The following ARHGAP15 variants were observed in gnomAD, a reference collection of about 807,000 sequenced individuals.
ARHGAP15 encodes rho GTPase-activating protein 15.
ARHGAP15 carries 51 observed loss-of-function variants against 63.7 expected under a neutral mutation model. The observed-to-expected ratio is 0.80, with a 90% CI of 0.64 to 1.01. ARHGAP15 has a LOEUF of 1.01. Among genes scored for constraint, ARHGAP15 ranks in the 50% least tolerant of loss-of-function variants. The pLI is 0.00. For missense variants in ARHGAP15, 560 were observed against 564.6 expected (o/e 0.99, Z 0.08); for synonymous variants, 191 against 193.8 (o/e 0.99, Z 0.12).
intron 6 of ARHGAP15, among the ~76,000 whole-genome samples, chr2:143,326,952 A>C (rs557334419): frequency 6.6e-6 from 1 of 152,328 alleles, no homozygotes; most frequent in East Asian, 1.9e-4. Flanking sequence ...GGAAATTCAA[A>C]TAGGAAGAAA....
intron 3 of ARHGAP15, among the ~76,000 whole-genome samples, chr2:143,203,465 C>G (rs1372472275): frequency 1.3e-5 from 2 of 152,068 alleles, no homozygotes; most frequent in African/African-American, 4.8e-5. Flanking sequence ...TTCAGTAGGT[C>G]TATCTGAGCA....
chr2:143,190,342 C>T (rs1453246695), intron 2 of ARHGAP15, among the ~76,000 whole-genome samples: 2 of 152,130 alleles, frequency 1.3e-5, no homozygotes, highest in Non-Finnish European at 2.9e-5. Flanking sequence ...CTTTTCATTG[C>T]GGATATCCAA....
At chr2:143,540,452 T>C (rs1023914959) in intron 10 of ARHGAP15, among the ~76,000 whole-genome samples, 4 of 152,242 alleles carry the variant, frequency 2.6e-5, no homozygotes. Flanking sequence ...TGTTAGTTGA[T>C]GCAGTTTCTT....
At chr2:143,374,310 C>T (rs1686709424) in intron 6 of ARHGAP15, among the ~76,000 whole-genome samples, 1 of 152,248 alleles carries the variant, frequency 6.6e-6, no homozygotes, top group East Asian at 1.9e-4. Flanking sequence ...TGGAGCCACA[C>T]TATTTGGTGT....
At chr2:143,596,277 TTG>T (rs1559071005) in intron 11 of ARHGAP15, among the ~76,000 whole-genome samples, 1 of 152,168 alleles carries the variant, frequency 6.6e-6, no homozygotes. Flanking sequence ...ACCCATATTA[TTG>T]TCTTTGTGAA....
rs746238678 is a variant in ARHGAP15 at position 143,155,648 on chromosome 2, C to T, written c.158C>T (p.Thr53Ile). 5.8e-6 allele frequency: 9 copies of T among 1,562,506 alleles called. No individual in the cohort carries two copies. The East Asian group carries it at 9.4e-5, about 16-fold the overall frequency. ...SMILTDVGKV[T>I]EPISRHRRNH... ...ATCCTCACCGATGTCGGGAAGGTCA[C>T]TGAACCTGTAAGTCAAATACCCCAA... Residue 53 changes from threonine to isoleucine, a missense_variant, in exon 2 of 14, where the codon ACT becomes ATT. Coordinates refer to ENST00000295095, the MANE Select transcript of ARHGAP15 (RefSeq NM_018460.4).
At chr2:143,453,857 C>A (rs1401190497) in intron 8 of ARHGAP15, among the ~76,000 whole-genome samples, 9 of 151,200 alleles carry the variant, frequency 6.0e-5, no homozygotes, top group African/African-American at 2.2e-4. Context: ...CAGAGACAGG[C>A]TTTTCATATC....
intron 6 of ARHGAP15, among the ~76,000 whole-genome samples, chr2:143,343,817 A>T (rs558070796): frequency 1.3e-3 from 197 of 152,188 alleles, no homozygotes; most frequent in African/African-American, 4.6e-3. Context: ...CTACCATTAC[A>T]CTAATCTAGG....
intron 6 of ARHGAP15, among the ~76,000 whole-genome samples, chr2:143,405,677 C>T (rs1171576306): frequency 4.0e-5 from 6 of 151,836 alleles, no homozygotes; most frequent in African/African-American, 9.7e-5. Context: ...AAATGTATTA[C>T]GAGACTCACA....
At chr2:143,525,625 T>C (rs752746626) in intron 10 of ARHGAP15, among the ~76,000 whole-genome samples, 84 of 152,114 alleles carry the variant, frequency 5.5e-4, no homozygotes, top group Admixed American at 6.6e-4. Flanking sequence ...TTTTGTGTTT[T>C]GTTCTGTTTT....
intron 4 of ARHGAP15, among the ~76,000 whole-genome samples, chr2:143,227,456 G>A (rs1401654144): frequency 6.6e-6 from 1 of 152,114 alleles, no homozygotes; most frequent in Non-Finnish European, 1.5e-5. Context: ...TTTCTTAATG[G>A]AGGATAGAGG....
chr2:143,308,452 A>G (rs1263304592), intron 6 of ARHGAP15, among the ~76,000 whole-genome samples: 1 of 147,538 alleles, frequency 6.8e-6, no homozygotes, highest in African/African-American at 2.5e-5. Flanking sequence ...AATTGTACCC[A>G]GTTTGCAGGA....
intron 9 of ARHGAP15, among the ~76,000 whole-genome samples, chr2:143,493,750 T>C (rs1692693395): frequency 6.6e-6 from 1 of 152,240 alleles, no homozygotes. Context: ...ACTGCTCCTC[T>C]GTGTTGGATC....
chr2:143,468,478 T>A (rs186359302), intron 8 of ARHGAP15, among the ~76,000 whole-genome samples: 3 of 152,144 alleles, frequency 2.0e-5, no homozygotes, highest in African/African-American at 4.8e-5. Context: ...TAGAAATGGA[T>A]ATTGATTATT....
chr2:143,174,593 C>A (rs1447970349), intron 2 of ARHGAP15, among the ~76,000 whole-genome samples: 1 of 151,988 alleles, frequency 6.6e-6, no homozygotes, highest in African/African-American at 2.4e-5. Flanking sequence ...TAGGTTATTT[C>A]TTTATATGTG....
chr2:143,527,434 T>C lies in ARHGAP15; in HGVS notation c.925+8070T>C, dbSNP rs926374160. 3.3e-5 allele frequency among the ~76,000 whole-genome samples: 5 copies of C among 151,984 alleles called. No individual in the cohort carries two copies. In the South Asian group the frequency reaches 1.0e-3, roughly 31 times the overall value. ...ATTTATTTTCTTGTTTTATCTCTCT[T>C]TGCCTGATTTTATACGTTTCAAGTC... On this transcript the variant is annotated intron_variant, in intron 10 of 13. Coordinates refer to ENST00000295095, the MANE Select transcript of ARHGAP15 (RefSeq NM_018460.4).
chr2:143,533,303 A>G (rs1234020194), intron 10 of ARHGAP15: 2 of 152,192 alleles, frequency 1.3e-5, no homozygotes, highest in Non-Finnish European at 2.9e-5. Flanking sequence ...ACAAGAGAAG[A>G]CGTGTGAACC....
At chr2:143,729,342 G>C (rs1054288074) in intron 13 of ARHGAP15, among the ~76,000 whole-genome samples, 2 of 152,146 alleles carry the variant, frequency 1.3e-5, no homozygotes, top group Admixed American at 1.3e-4. Flanking sequence ...TTGTTCACTG[G>C]TCATTATTTC....
intron 2 of ARHGAP15, among the ~76,000 whole-genome samples, chr2:143,191,814 T>C (rs901348443): frequency 1.3e-5 from 2 of 152,248 alleles, no homozygotes; most frequent in African/African-American, 4.8e-5. Context: ...CTTCTTTGAC[T>C]AGTTCTCTTT....
Sources: allele counts gnomAD v4.1 joint callset (sites outside exome capture counted in the v4.1 genomes callset), GRCh38; gene constraint gnomAD v4.1.1; transcripts MANE v1.5; gene names NCBI Gene and HGNC (gene_info 2026-07-23, HGNC 2026-07-21).